The following CPEB3 variants were observed in gnomAD, a reference collection of about 807,000 sequenced individuals.
CPEB3 encodes cytoplasmic polyadenylation element binding protein 3.
CPEB3 carries 20 observed loss-of-function variants against 67.2 expected under a neutral mutation model. The observed-to-expected ratio is 0.30, with a 90% CI of 0.21 to 0.43. The LOEUF (loss-of-function observed/expected upper bound fraction) is 0.43. CPEB3 is among the 20% of genes least tolerant of loss of function. The pLI, the probability that CPEB3 is intolerant of heterozygous loss-of-function variation, is 1.00. For missense variants in CPEB3, 746 were observed against 968.6 expected (o/e 0.77, Z 3.05); for synonymous variants, 376 against 393.1 (o/e 0.96, Z 0.51).
chr10:92,074,770 G>C (rs1452506441), intron 9 of CPEB3, among the ~76,000 whole-genome samples: 1 of 152,162 alleles, frequency 6.6e-6, no homozygotes, highest in African/African-American at 2.4e-5. Context: ...TTAAAGGAGT[G>C]AAAAGACATG....
In CPEB3 at chr10:92,130,825, A is replaced by C. The variant is rs546960336; in HGVS notation, c.1453+12204T>G. On this transcript the variant is annotated intron_variant, in intron 6 of 9. Coordinates refer to ENST00000265997, the MANE Select transcript of CPEB3 (RefSeq NM_014912.5). Reference sequence around the variant, plus strand: ...TTCACTATGTATACACTATCTGAGAAAGGCTAAAGGGCTGAATAGTGGATG... The same window carrying C: ...TTCACTATGTATACACTATCTGAGACAGGCTAAAGGGCTGAATAGTGGATG... Among the ~76,000 whole-genome samples, 24 of 152,278 alleles carry C rather than the reference A, an allele frequency of 1.6e-4. 1 individual carries two copies. In the South Asian group the frequency reaches 5.0e-3, roughly 32 times the overall value.
intron 1 of CPEB3, among the ~76,000 whole-genome samples, chr10:92,289,732 A>AAAAAAAAAAAAAAAAATATATAT: frequency 5.3e-5 from 4 of 75,772 alleles, no homozygotes; most frequent in African/African-American, 1.0e-4. Flanking sequence ...AAAAAAAAAA[A>AAAAAAAAAAAAAAAAATATATAT]ATATATATAT....
intron 1 of CPEB3, among the ~76,000 whole-genome samples, chr10:92,242,795 T>C (rs1851904825): frequency 6.6e-6 from 1 of 152,212 alleles, no homozygotes; most frequent in South Asian, 2.1e-4. Context: ...TTAAAAATTT[T>C]ATACCAGGAA....
At chr10:92,248,548 A>AC (rs2134760140) in intron 1 of CPEB3, among the ~76,000 whole-genome samples, 1 of 152,272 alleles carries the variant, frequency 6.6e-6, no homozygotes, top group South Asian at 2.1e-4. Context: ...ATACGGATAA[A>AC]TGGATGGATG....
At chr10:92,277,221 T>C (rs990565658) in intron 1 of CPEB3, among the ~76,000 whole-genome samples, 2 of 152,204 alleles carry the variant, frequency 1.3e-5, no homozygotes, top group Admixed American at 1.3e-4. Flanking sequence ...GTCTAATCCC[T>C]GGTCATGTAG....
chr10:92,277,446 T>C (rs1419689873), intron 1 of CPEB3, among the ~76,000 whole-genome samples: 4 of 152,224 alleles, frequency 2.6e-5, no homozygotes, highest in Non-Finnish European at 5.9e-5. Context: ...ATCTATTGAC[T>C]ATAAAAGTAA....
At chr10:92,215,247 G>A (rs2134379265) in intron 2 of CPEB3, among the ~76,000 whole-genome samples, 1 of 151,680 alleles carries the variant, frequency 6.6e-6, no homozygotes, top group African/African-American at 2.4e-5. Context: ...CAACCTCCTG[G>A]GTTCAATCGA....
At chr10:92,099,825 T>C (rs1473775753) in intron 7 of CPEB3, among the ~76,000 whole-genome samples, 1 of 150,368 alleles carries the variant, frequency 6.7e-6, no homozygotes, top group Non-Finnish European at 1.5e-5. Flanking sequence ...GATCACGCCA[T>C]TGCACTCCAG....
intron 7 of CPEB3, among the ~76,000 whole-genome samples, chr10:92,093,572 G>A (rs1051678038): frequency 1.5e-4 from 22 of 151,334 alleles, no homozygotes; most frequent in African/African-American, 5.1e-4. Context: ...GCACAATCTC[G>A]GCTCATGCAA....
chr10:92,199,679 CAAAA>C (rs59100106), intron 2 of CPEB3, among the ~76,000 whole-genome samples: 36 of 71,062 alleles, frequency 5.1e-4, no homozygotes, highest in African/African-American at 2.1e-3. Flanking sequence ...GACTCCATCT[CAAAA>C]AAAAAAAAAA....
intron 7 of CPEB3, among the ~76,000 whole-genome samples, chr10:92,097,420 A>G (rs2133355711): frequency 6.6e-6 from 1 of 152,326 alleles, no homozygotes; most frequent in South Asian, 2.1e-4. Flanking sequence ...AAATACAAAA[A>G]TCATTTTTCT....
chr10:92,210,500 A>C (rs751068230), intron 2 of CPEB3, among the ~76,000 whole-genome samples: 2 of 152,242 alleles, frequency 1.3e-5, no homozygotes, highest in African/African-American at 2.4e-5. Flanking sequence ...TTATTTTGAA[A>C]TAATGCAGGA....
intron 6 of CPEB3, among the ~76,000 whole-genome samples, chr10:92,136,614 G>A (rs552583484): frequency 3.3e-5 from 5 of 152,280 alleles, no homozygotes; most frequent in African/African-American, 1.2e-4. Flanking sequence ...AGGCTGGAGT[G>A]CAGTGGCATG....
chr10:92,216,339 A>T, intron 2 of CPEB3: 1 of 1,603,516 alleles, frequency 6.2e-7, no homozygotes, highest in Non-Finnish European at 8.5e-7. Flanking sequence ...GCGATGACCA[A>T]AATAAAGGCA....
At chr10:92,258,671 T>A (rs1315797573) in intron 1 of CPEB3, among the ~76,000 whole-genome samples, 1 of 121,990 alleles carries the variant, frequency 8.2e-6, no homozygotes, top group African/African-American at 3.0e-5. Context: ...TATATATATA[T>A]ATATATATTT....
At chr10:92,249,345 C>T (rs1460378892) in intron 1 of CPEB3, among the ~76,000 whole-genome samples, 4 of 148,954 alleles carry the variant, frequency 2.7e-5, no homozygotes, top group African/African-American at 9.9e-5. Context: ...TGCCACTGCA[C>T]TCCAGTCTGG....
At chr10:92,115,066 C>T (rs1228235175) in intron 6 of CPEB3, among the ~76,000 whole-genome samples, 1 of 152,204 alleles carries the variant, frequency 6.6e-6, no homozygotes, top group Non-Finnish European at 1.5e-5. Flanking sequence ...GCGCGGGGGA[C>T]GTCAGCGCTG....
chr10:92,054,271 CT>C (rs1842029641), intron 9 of CPEB3, among the ~76,000 whole-genome samples: 1 of 151,268 alleles, frequency 6.6e-6, no homozygotes, highest in South Asian at 2.1e-4. Context: ...GAGCAGCATA[CT>C]GTTTCCCTGG....
intron 3 of CPEB3, among the ~76,000 whole-genome samples, chr10:92,183,233 C>A (rs73316082): frequency 0.075 from 11,454 of 152,110 alleles, 1,434 homozygotes; most frequent in African/African-American, 0.26. Flanking sequence ...TTACTAGAAG[C>A]TAATTATTAG....
Sources: allele counts gnomAD v4.1 joint callset (sites outside exome capture counted in the v4.1 genomes callset), GRCh38; gene constraint gnomAD v4.1.1; transcripts MANE v1.5; gene names NCBI Gene and HGNC (gene_info 2026-07-23, HGNC 2026-07-21).